The following EIF4E3 variants were observed in gnomAD, a reference collection of about 807,000 sequenced individuals.
EIF4E3 encodes the protein eukaryotic translation initiation factor 4E type 3.
A neutral mutation model predicts 31.7 loss-of-function variants in EIF4E3; 26 were observed. The observed-to-expected ratio is 0.82, with a 90% CI of 0.60 to 1.14. EIF4E3 has a LOEUF of 1.14. Among genes scored for constraint, EIF4E3 ranks in the 50% most tolerant of loss-of-function variants. The pLI is 0.00. For missense variants in EIF4E3, 304 were observed against 270.9 expected, an observed-to-expected ratio of 1.12 and a Z score of -0.86; for synonymous variants, 128 against 107.7, an observed-to-expected ratio of 1.19 and a Z score of -1.17.
intron 2 of EIF4E3, among the ~76,000 whole-genome samples, chr3:71,700,360 C>G (rs576940890): frequency 2.4e-4 from 36 of 152,196 alleles, no homozygotes; most frequent in African/African-American, 8.2e-4. Context: ...TCCACTAAAG[C>G]CTTTAGTACT....
the EIF4E3 span, among the ~76,000 whole-genome samples, chr3:71,663,907 G>C: frequency 2.0e-5 from 3 of 152,210 alleles, no homozygotes; most frequent in African/African-American, 7.2e-5. Flanking sequence ...AGCGACAAAG[G>C]AGGGGTATCC....
the EIF4E3 span, among the ~76,000 whole-genome samples, chr3:71,664,589 C>T: frequency 1.3e-5 from 2 of 152,152 alleles, no homozygotes; most frequent in African/African-American, 4.8e-5. Flanking sequence ...GAGGCCCATT[C>T]TGTCTCTTTT....
At position 71,725,143 on chromosome 3, in the gene EIF4E3, G is replaced by T. The variant is rs1341590924; in HGVS notation, c.176+49C>A. The T allele has an allele frequency of 4.8e-6, 5 of 1,035,096 alleles. No homozygotes were observed. The highest frequency in any genetic ancestry group is 1.7e-4 in the East Asian group (2 of 11,754). The allele number at this position is 1,035,096 out of a possible 1,614,324, so 64.1% of individuals were successfully genotyped here. A position where few individuals can be genotyped will look rare whatever the true frequency, so the allele number is the denominator to read the frequency against. On this transcript the variant is annotated intron_variant, in intron 1 of 6. Coordinates refer to ENST00000425534, the MANE Select transcript of EIF4E3 (RefSeq NM_001134651.2). This position sits in a 1 kb window ranked among gnomAD's most constrained non-coding sequence, Gnocchi z 6.1. ...CGCGCCGAGACAAAGCGGCGGTGGC[G>T]GCAGGACCCGGGTCGGGGCCGTGCG...
At chr3:71,723,377 AAATT>A (rs2049580802) in intron 1 of EIF4E3, among the ~76,000 whole-genome samples, 1 of 152,250 alleles carries the variant, frequency 6.6e-6, no homozygotes, top group Non-Finnish European at 1.5e-5. Flanking sequence ...TATAATTTCT[AAATT>A]AATACAGCCA....
intron 6 of EIF4E3, among the ~76,000 whole-genome samples, chr3:71,685,512 C>G (rs912397928): frequency 6.6e-6 from 1 of 152,084 alleles, no homozygotes; most frequent in African/African-American, 2.4e-5. Flanking sequence ...CAGGCGTGTG[C>G]CACCACGTCC....
chr3:71,698,950 G>A (rs1478002801), intron 3 of EIF4E3, among the ~76,000 whole-genome samples: 1 of 152,196 alleles, frequency 6.6e-6, no homozygotes, highest in Non-Finnish European at 1.5e-5. Context: ...GCTGGGCCTG[G>A]TGGCTCATGC....
chr3:71,719,351 T>C (rs1010282492), intron 1 of EIF4E3, among the ~76,000 whole-genome samples: 2 of 152,116 alleles, frequency 1.3e-5, no homozygotes, highest in African/African-American at 4.8e-5. Context: ...AATCTACCTT[T>C]CACCACAGAG....
At chr3:71,739,626 G>A (rs1002112408) in intron 1 of EIF4E3, among the ~76,000 whole-genome samples, 3 of 152,134 alleles carry the variant, frequency 2.0e-5, no homozygotes, top group Non-Finnish European at 4.4e-5. Flanking sequence ...GAGCCTGGGA[G>A]ATTGAGGCTG....
intron 2 of EIF4E3, among the ~76,000 whole-genome samples, chr3:71,703,307 T>C (rs979995823): frequency 4.6e-5 from 7 of 152,318 alleles, no homozygotes; most frequent in South Asian, 2.1e-4. Flanking sequence ...AACACCAATC[T>C]GGCACCTCTC....
At position 71,684,587 on chromosome 3, in the gene EIF4E3, A is replaced by T; in HGVS notation, c.*95T>A. 6.7e-7 allele frequency: 1 copy of T among 1,499,228 alleles called. No individual in the cohort carries two copies. Among genetic ancestry groups the T allele is most frequent in the Non-Finnish European group, 9.2e-7 (1 of 1,082,024 alleles). 92.9% of individuals were successfully genotyped at this position (1,499,228 alleles called of 1,614,324 possible). A position where few individuals can be genotyped will look rare whatever the true frequency, so the allele number is the denominator to read the frequency against. ...AGAAACCCACTCTAAATTGACCAGC[A>T]TCGGCTTCGGCAAGTCTTCTCTTCA... On this transcript the variant is annotated 3_prime_UTR_variant, in exon 7 of 7. Transcript: ENST00000425534.
chr3:71,688,813 T>A (rs1393873535), intron 6 of EIF4E3, among the ~76,000 whole-genome samples: 1 of 152,210 alleles, frequency 6.6e-6, no homozygotes, highest in East Asian at 1.9e-4. Flanking sequence ...ATAAGCAACT[T>A]CTGCAGTGCC....
intron 1 of EIF4E3, among the ~76,000 whole-genome samples, chr3:71,720,320 C>A (rs1244347252): frequency 3.9e-5 from 6 of 151,968 alleles, no homozygotes; most frequent in Non-Finnish European, 7.4e-5. Flanking sequence ...CTCAGCCTCC[C>A]AAGTAGCTGG....
intron 1 of EIF4E3, among the ~76,000 whole-genome samples, chr3:71,711,368 G>C (rs1274604123): frequency 6.6e-6 from 1 of 152,214 alleles, no homozygotes; most frequent in South Asian, 2.1e-4. Flanking sequence ...ACATCTGGTT[G>C]TTGGTGAGAA....
intron 5 of EIF4E3, 44 bp downstream of exon 5, chr3:71,693,831 G>A (rs1339021010): frequency 2.2e-5 from 33 of 1,471,608 alleles, no homozygotes; most frequent in Non-Finnish European, 2.8e-5. Context: ...GCACAAGCCA[G>A]GAGCACACGA....
At chr3:71,701,550 G>A (rs918580777) in intron 2 of EIF4E3, among the ~76,000 whole-genome samples, 5 of 152,150 alleles carry the variant, frequency 3.3e-5, no homozygotes, top group African/African-American at 9.7e-5. Context: ...TGTTCTGTGT[G>A]GTGAGGTAAG....
At chr3:71,752,964 A>C (rs965027785) in intron 1 of EIF4E3, among the ~76,000 whole-genome samples, 1 of 152,160 alleles carries the variant, frequency 6.6e-6, no homozygotes, top group Non-Finnish European at 1.5e-5. Flanking sequence ...CATAGGGTTC[A>C]CCTTCCAAGT....
rs2049614564 is a variant in EIF4E3, at chr3:71,725,226, G to A, written c.142C>T (p.Pro48Ser). 5 of 1,135,850 alleles carry A rather than the reference G, an allele frequency of 4.4e-6. No individual in the cohort carries two copies. The highest frequency in any genetic ancestry group is 4.7e-5 in the South Asian group (2 of 42,674). 70.4% of individuals were successfully genotyped at this position (1,135,850 alleles called of 1,614,324 possible). A position where few individuals can be genotyped will look rare whatever the true frequency, so the allele number is the denominator to read the frequency against. Residue 48 changes from proline to serine, a missense_variant, in exon 1 of 7, where the codon CCG becomes TCG. By Grantham distance (74) the Pro-to-Ser change is moderately conservative. Coordinates refer to ENST00000425534, the MANE Select transcript of EIF4E3 (RefSeq NM_001134651.2). The surrounding 1 kb of genome is among the most constrained non-coding windows in gnomAD (Gnocchi z 6.1). Reference protein sequence around the residue: ...SALQPEPGGVPLHSSWTFWLD... With the variant: ...SALQPEPGGVSLHSSWTFWLD... The stretch of plus-strand genomic sequence containing the variant: ...CAGAAGGTCCAGGACGAGTGCAGCG[G>A]GACCCCGCCCGGCTCAGGCTGCAGC...
At chr3:71,753,932 G>A, upstream of EIF4E3, 1 of 1,007,272 alleles carries the variant, frequency 9.9e-7, no homozygotes, top group Non-Finnish European at 1.2e-6. Context: ...GCTGAGCCCC[G>A]CAGGACGGGG....
In EIF4E3 at chr3:71,699,826, A is replaced by G. The variant is rs187791059; in HGVS notation, c.250-118T>C. On this transcript the variant is annotated intron_variant, in intron 2 of 6. Transcript: ENST00000425534. ...TGATTCTCATTGTTTTATCCATTCA[A>G]AATAGATTTTTCTCAGTATCCCTTC... 3 of 779,692 alleles carry G rather than the reference A, an allele frequency of 3.8e-6. No homozygotes were observed. In the East Asian group the frequency reaches 8.1e-5, roughly 21 times the overall value. The allele number at this position is 779,692 out of a possible 1,614,324, so 48.3% of individuals were successfully genotyped here.
Sources: gnomAD v4.1 joint callset for allele counts (sites outside exome capture counted in the v4.1 genomes callset) on GRCh38, gnomAD v4.1.1 for gene constraint, Gnocchi (gnomAD v3.1) non-coding constraint, MANE v1.5 for transcripts, NCBI Gene and HGNC (gene_info 2026-07-23, HGNC 2026-07-21) for gene names.